The following MATCAP2 variants were observed in gnomAD, a reference collection of about 807,000 sequenced individuals.
The protein encoded by MATCAP2 is putative tyrosine carboxypeptidase MATCAP2.
the MATCAP2 span, among the ~76,000 whole-genome samples, chr7:36,336,786 AT>A: frequency 6.6e-6 from 1 of 151,996 alleles, no homozygotes; most frequent in Non-Finnish European, 1.5e-5. Flanking sequence ...TGAAATAAAA[AT>A]TTTAAAAAAA....
the MATCAP2 span, among the ~76,000 whole-genome samples, chr7:36,346,640 G>A: frequency 2.0e-5 from 3 of 152,216 alleles, no homozygotes; most frequent in Non-Finnish European, 4.4e-5. Flanking sequence ...GTGAGATGGG[G>A]AACGATTGCT....
chr7:36,352,204 T>C, the MATCAP2 span, among the ~76,000 whole-genome samples: 1 of 151,626 alleles, frequency 6.6e-6, no homozygotes, highest in African/African-American at 2.4e-5. Flanking sequence ...AACACCAGCC[T>C]GGCCAACATG....
the MATCAP2 span, among the ~76,000 whole-genome samples, chr7:36,361,501 T>C: frequency 1.2e-4 from 18 of 152,208 alleles, no homozygotes; most frequent in Admixed American, 4.6e-4. Flanking sequence ...CACAAAACAA[T>C]AGGTTACTTC....
chr7:36,329,036 T>C, the MATCAP2 span, among the ~76,000 whole-genome samples: 46 of 151,982 alleles, frequency 3.0e-4, no homozygotes, highest in Non-Finnish European at 1.8e-4. Flanking sequence ...GAGCAAAAAC[T>C]CCGTATCAAA....
At chr7:36,348,433 T>C in the MATCAP2 span, among the ~76,000 whole-genome samples, 5 of 152,234 alleles carry the variant, frequency 3.3e-5, no homozygotes, top group East Asian at 9.6e-4. Flanking sequence ...GAAGAGCATA[T>C]TTACATTCCA....
the MATCAP2 span, among the ~76,000 whole-genome samples, chr7:36,338,974 C>G: frequency 1.3e-5 from 2 of 152,218 alleles, no homozygotes; most frequent in African/African-American, 2.4e-5. Context: ...TTAGACCAAA[C>G]CAATGCATTC....
chr7:36,365,842 T>A, the MATCAP2 span, among the ~76,000 whole-genome samples: 1 of 152,272 alleles, frequency 6.6e-6, no homozygotes, highest in Non-Finnish European at 1.5e-5. Flanking sequence ...ATCACATTTT[T>A]AAAAATTCTA....
At chr7:36,344,719 T>C in the MATCAP2 span, among the ~76,000 whole-genome samples, 1 of 152,196 alleles carries the variant, frequency 6.6e-6, no homozygotes, top group African/African-American at 2.4e-5. Flanking sequence ...ATTCAACTAA[T>C]ATTTTTCTAT....
the MATCAP2 span, chr7:36,336,215 G>C: frequency 6.5e-7 from 1 of 1,536,288 alleles, no homozygotes; most frequent in Non-Finnish European, 8.7e-7. Flanking sequence ...TCGAGTTTTA[G>C]AGAGCAAGCT....
the MATCAP2 span, among the ~76,000 whole-genome samples, chr7:36,330,400 G>A: frequency 1.4e-4 from 22 of 151,918 alleles, no homozygotes; most frequent in Admixed American, 1.2e-3. Context: ...TGCCCAGCCC[G>A]AGTCTTAACA....
At chr7:36,360,068 A>G in the MATCAP2 span, among the ~76,000 whole-genome samples, 1 of 152,260 alleles carries the variant, frequency 6.6e-6, no homozygotes, top group Middle Eastern at 3.2e-3. Flanking sequence ...GGACAGAGTT[A>G]CACCAAATTA....
At chr7:36,336,437 C>T in the MATCAP2 span, 1 of 724,758 alleles carries the variant, frequency 1.4e-6, no homozygotes, top group African/African-American at 1.8e-5. Context: ...CCAAACTTTT[C>T]TAATCCTAAA....
At chr7:36,336,653 C>CA in the MATCAP2 span, among the ~76,000 whole-genome samples, 1 of 151,930 alleles carries the variant, frequency 6.6e-6, no homozygotes, top group African/African-American at 2.4e-5. Context: ...CAGGAGAACT[C>CA]AGAGTGGAAG....
At chr7:36,334,152 T>A in the MATCAP2 span, 1 of 1,610,328 alleles carries the variant, frequency 6.2e-7, no homozygotes, top group Non-Finnish European at 8.5e-7. Context: ...ACCTCGAAAA[T>A]AATGTGTACC....
the MATCAP2 span, among the ~76,000 whole-genome samples, chr7:36,327,576 G>A: frequency 5.9e-5 from 9 of 152,236 alleles, no homozygotes; most frequent in East Asian, 1.9e-4. Context: ...TGGCTAAATC[G>A]AAATAAAAGA....
At chr7:36,328,713 C>G in the MATCAP2 span, among the ~76,000 whole-genome samples, 3 of 151,354 alleles carry the variant, frequency 2.0e-5, no homozygotes, top group African/African-American at 7.3e-5. Context: ...CCACTGCACT[C>G]CAGCCTGGGC....
chr7:36,344,382 ATAAG>A, the MATCAP2 span, among the ~76,000 whole-genome samples: 1 of 152,238 alleles, frequency 6.6e-6, no homozygotes, highest in Admixed American at 6.5e-5. Context: ...AATGTTTATG[ATAAG>A]TAAGTGAAAG....
the MATCAP2 span, chr7:36,335,085 G>A: frequency 7.4e-6 from 12 of 1,613,692 alleles, no homozygotes; most frequent in South Asian, 2.2e-5. Context: ...CAATGCTCAC[G>A]TGCAGTGGAC....
the MATCAP2 span, among the ~76,000 whole-genome samples, chr7:36,364,932 G>T: frequency 2.6e-5 from 4 of 152,114 alleles, no homozygotes; most frequent in Non-Finnish European, 5.9e-5. Context: ...GAACTTTATT[G>T]TACTATAGAA....
Sources: gnomAD v4.1 joint callset for allele counts (sites outside exome capture counted in the v4.1 genomes callset) on GRCh38, gnomAD v4.1.1 for gene constraint, MANE v1.5 for transcripts, NCBI Gene and HGNC (gene_info 2026-07-23, HGNC 2026-07-21) for gene names.